Variants in TMEM255A observed in about 807,000 individuals in gnomAD.
TMEM255A encodes family with sequence similarity 70, member A.
TMEM255A carries 14 observed loss-of-function variants against 23.5 expected under a neutral mutation model. The ratio of observed to expected loss-of-function variants is 0.60; its 90% CI spans 0.39 to 0.93. The LOEUF (loss-of-function observed/expected upper bound fraction) is 0.93. Among genes scored for constraint, TMEM255A ranks in the 40% least tolerant of loss-of-function variants. The pLI, the probability that TMEM255A is intolerant of heterozygous loss-of-function variation, is 0.00. For synonymous variants in TMEM255A, 104 were observed against 100.3 expected, an observed-to-expected ratio of 1.04 and a Z score of -0.22; for missense variants, 233 against 261.7, an observed-to-expected ratio of 0.89 and a Z score of 0.76.
In TMEM255A at chrX:120,287,137, GC is replaced by G. The variant is rs1556021963; in HGVS notation, c.423+16del. Reference sequence around the variant, plus strand: ...CTTTCCCAGGAGGTAAAGACATGCAGCCTCATTCTGGCTCACCTCCTCAGCT... The same window carrying G: ...CTTTCCCAGGAGGTAAAGACATGCAGCTCATTCTGGCTCACCTCCTCAGCT... On this transcript the variant is annotated intron_variant, in intron 5 of 8. Coordinates refer to ENST00000371369, the MANE Select transcript of TMEM255A (RefSeq NM_001104544.3). 2 of 1,195,450 alleles carry G rather than the reference GC, an allele frequency of 1.7e-6. No homozygotes were observed. Among genetic ancestry groups the G allele is most frequent in the South Asian group, 3.5e-5 (2 of 56,616 alleles).
At position 120,260,051 on chromosome X, in the gene TMEM255A, T is replaced by A. The variant is rs782235225; in HGVS notation, c.*819A>T. The A allele has an allele frequency of 4.6e-6, 3 of 650,566 alleles. No homozygotes were observed. The highest frequency in any genetic ancestry group is 1.6e-4 in the East Asian group (1 of 6,233). The allele number at this position is 650,566 out of a possible 1,213,427, so 53.6% of individuals were successfully genotyped here. On this transcript the variant is annotated 3_prime_UTR_variant, in exon 9 of 9. Transcript: ENST00000371369. ...CCAAGAACCTAATTTATAACATTTT[T>A]AAACTCTGAATTACAACCATAAGAT... is the stretch of plus-strand genomic sequence containing the variant.
downstream of TMEM255A, chrX:120,253,672 A>G (rs1603398373): frequency 3.3e-6 from 4 of 1,210,498 alleles, no homozygotes; most frequent in African/African-American, 1.7e-5. Context: ...AATTATATCT[A>G]TAGTTCTAAA....
intron 2 of TMEM255A, among the ~76,000 whole-genome samples, chrX:120,300,923 C>T (rs181553114): frequency 2.8e-5 from 3 of 108,989 alleles, no homozygotes; most frequent in East Asian, 2.9e-4. Context: ...CGTCTCACCA[C>T]GTTGCCCAGG....
rs2057731272 is a variant in TMEM255A, at chrX:120,268,345, G to A, written c.718C>T (p.His240Tyr). 8.3e-7 allele frequency: 1 copy of A among 1,208,460 alleles called. No individual in the cohort carries two copies. Among genetic ancestry groups the A allele is most frequent in the Non-Finnish European group, 1.1e-6 (1 of 894,374 alleles). The change falls in exon 8 of 9, where the codon CAT (histidine) becomes TAT (tyrosine). Residue 240 changes from histidine to tyrosine, a missense_variant. Physicochemically the swap from His to Tyr is moderately conservative, Grantham distance 83. Transcript: ENST00000371369. ...TGAGCATAGTAAGAAACTGTTGGAT[G>A]GGTATTTTCAACAGAACAGTTCAGT... ...PALNCSVENT[H>Y]PTVSYYAHPQ...
At chrX:120,292,963 T>C (rs1189417745) in intron 3 of TMEM255A, among the ~76,000 whole-genome samples, 1 of 111,869 alleles carries the variant, frequency 8.9e-6, no homozygotes, top group Non-Finnish European at 1.9e-5. Flanking sequence ...CAATTAAAAT[T>C]CCCCCATTAT....
At chrX:120,268,112 T>G in intron 8 of TMEM255A, 132 bp downstream of exon 8, 4 of 737,159 alleles carry the variant, frequency 5.4e-6, no homozygotes, top group Admixed American at 3.6e-5. Flanking sequence ...CTGCTGGCCA[T>G]TAGGGAGATG....
chrX:120,268,475 AC>A, intron 7 of TMEM255A, 88 bp from the exon 8 acceptor site: 1 of 667,941 alleles, frequency 1.5e-6, no homozygotes, highest in Non-Finnish European at 2.1e-6. Flanking sequence ...ACTATGGAAT[AC>A]CATGCAGCTA....
At chrX:120,270,733 G>A (rs1449617382) in intron 7 of TMEM255A, among the ~76,000 whole-genome samples, 1 of 110,466 alleles carries the variant, frequency 9.1e-6, no homozygotes, top group Non-Finnish European at 1.9e-5. Flanking sequence ...TTCCATTGAA[G>A]ACTGCCAGCT....
At chrX:120,300,999 A>G (rs895300066) in intron 2 of TMEM255A, among the ~76,000 whole-genome samples, 5 of 110,932 alleles carry the variant, frequency 4.5e-5, no homozygotes, top group African/African-American at 1.3e-4. Flanking sequence ...TGTGATTACA[A>G]GCATGTGCCA....
chrX:120,263,395 G>C (rs1479839820), intron 8 of TMEM255A, among the ~76,000 whole-genome samples: 1 of 112,215 alleles, frequency 8.9e-6, no homozygotes, highest in Non-Finnish European at 1.9e-5. Context: ...TTAGAGGCTG[G>C]GGTGGCCAAC....
At chrX:120,284,071 T>A (rs72607680) in intron 6 of TMEM255A, among the ~76,000 whole-genome samples, 13,134 of 110,918 alleles carry the variant, frequency 0.12, 623 homozygotes, top group East Asian at 0.25. Context: ...TCAGCTCCCA[T>A]ATCACCTACT....
intron 5 of TMEM255A, chrX:120,285,815 A>G: frequency 8.3e-7 from 1 of 1,200,656 alleles, no homozygotes; most frequent in Non-Finnish European, 1.1e-6. Context: ...CAAAATCTAG[A>G]GAACAGCAAT....
chrX:120,266,733 C>A (rs1447664094), intron 8 of TMEM255A, among the ~76,000 whole-genome samples: 1 of 112,403 alleles, frequency 8.9e-6, no homozygotes, highest in African/African-American at 3.2e-5. Context: ...ATAGGGACCC[C>A]AAGAGAATGA....
intron 7 of TMEM255A, among the ~76,000 whole-genome samples, chrX:120,276,226 C>G (rs1424433535): frequency 8.9e-6 from 1 of 111,794 alleles, no homozygotes; most frequent in East Asian, 2.8e-4. Flanking sequence ...AAAAAAGAAG[C>G]CTACTATATG....
chrX:120,304,524 T>C (rs781844174), intron 1 of TMEM255A, 33 bp from the exon 2 acceptor site: 1 of 1,199,302 alleles, frequency 8.3e-7, no homozygotes, highest in Non-Finnish European at 1.1e-6. Flanking sequence ...AAATTGCTCA[T>C]TTCAGCTGGG....
intron 2 of TMEM255A, among the ~76,000 whole-genome samples, chrX:120,303,439 A>G (rs782047369): frequency 9.0e-6 from 1 of 111,370 alleles, no homozygotes; most frequent in East Asian, 2.8e-4. Context: ...ACTAGTCTCA[A>G]CAAAATGGAT....
chrX:120,282,375 T>C (rs2057843207), intron 6 of TMEM255A, among the ~76,000 whole-genome samples: 1 of 111,650 alleles, frequency 9.0e-6, no homozygotes, highest in Non-Finnish European at 1.9e-5. Context: ...TTGAGAGATG[T>C]CCGGGGCTGG....
At chrX:120,291,368 C>T (rs781803209) in intron 3 of TMEM255A, 28 bp from the exon 4 acceptor site, 1 of 1,158,392 alleles carries the variant, frequency 8.6e-7, no homozygotes, top group South Asian at 1.9e-5. Flanking sequence ...ACAAAAGCGT[C>T]TGTTAGCCTT....
At chrX:120,296,623 T>G (rs1316953427) in intron 2 of TMEM255A, among the ~76,000 whole-genome samples, 1 of 71,636 alleles carries the variant, frequency 1.4e-5, no homozygotes, top group African/African-American at 5.9e-5. Context: ...GCCAGGAATA[T>G]AATATATATA....
Sources: allele counts gnomAD v4.1 joint callset (sites outside exome capture counted in the v4.1 genomes callset), GRCh38; gene constraint gnomAD v4.1.1; transcripts MANE v1.5; gene names NCBI Gene and HGNC (gene_info 2026-07-23, HGNC 2026-07-21).